The following ZNF710 variants were observed in gnomAD, a reference collection of about 807,000 sequenced individuals.
ZNF710 encodes the protein zinc finger protein 710.
In ZNF710, 13 loss-of-function variants were observed where a neutral mutation model predicts 50.6. That is an observed-to-expected ratio of 0.26 (90% CI 0.17 to 0.41). ZNF710 has a LOEUF of 0.41. ZNF710 is among the 10% of genes least tolerant of loss of function. The probability of loss-of-function intolerance (pLI) is 1.00; values close to 1 mark genes in which losing one functional copy is unlikely to be tolerated. For missense variants in ZNF710, 721 were observed against 936.6 expected (o/e 0.77, Z 3.01); for synonymous variants, 383 against 397.0 (o/e 0.96, Z 0.42).
At position 90,079,859 on chromosome 15, in the gene ZNF710, G is replaced by A. The variant is rs368063162; in HGVS notation, c.*30G>A. ...AGCTGGGCCACCCCTAACGGGGGCC[G>A]GGGGCGAGGGCATGGGGGTGAGACC... On this transcript the variant is annotated 3_prime_UTR_variant, in exon 5 of 5. Transcript: ENST00000268154. 8.1e-5 allele frequency: 127 copies of A among 1,559,898 alleles called. No individual in the cohort carries two copies. Among genetic ancestry groups the A allele is most frequent in the Middle Eastern group, 5.9e-4 (3 of 5,110 alleles).
intron 1 of ZNF710, among the ~76,000 whole-genome samples, chr15:90,031,831 A>G (rs529029599): frequency 6.6e-6 from 1 of 152,194 alleles, no homozygotes; most frequent in South Asian, 2.1e-4. Flanking sequence ...AGGTATTCCT[A>G]GGTGCCAGTG....
rs1900025540 is a variant in ZNF710, at chr15:90,062,091, C to A, written c.-28-5019C>A. 6.6e-6 allele frequency among the ~76,000 whole-genome samples: 1 copy of A among 151,920 alleles called. No individual in the cohort carries two copies. The highest frequency in any genetic ancestry group is 1.5e-5 in the Non-Finnish European group (1 of 67,942). On this transcript the variant is annotated intron_variant, in intron 1 of 4. Transcript: ENST00000268154. This position sits in a 1 kb window ranked among gnomAD's most constrained non-coding sequence, Gnocchi z 5.6. ...GGGCAGTCCTGGGCTTCCGGTGTCA[C>A]TGCACGCCCCTCCCCCTCCCGCCTT...
intron 1 of ZNF710, among the ~76,000 whole-genome samples, chr15:90,029,778 C>A (rs1898879457): frequency 6.6e-6 from 1 of 151,846 alleles, no homozygotes; most frequent in African/African-American, 2.4e-5. Flanking sequence ...CCATGCCCGG[C>A]TAATTTTTCT....
At chr15:90,070,399 A>G (rs1431260086) in intron 2 of ZNF710, among the ~76,000 whole-genome samples, 1 of 150,480 alleles carries the variant, frequency 6.6e-6, no homozygotes, top group East Asian at 2.0e-4. Flanking sequence ...TCTGGGCTGG[A>G]TGCAATGGCT....
chr15:90,031,516 C>T (rs1898949262), intron 1 of ZNF710, among the ~76,000 whole-genome samples: 1 of 152,242 alleles, frequency 6.6e-6, no homozygotes. Flanking sequence ...AGTGAGGACA[C>T]ACAGGAAGTT....
intron 1 of ZNF710, among the ~76,000 whole-genome samples, chr15:90,031,362 G>A (rs972290906): frequency 6.6e-6 from 1 of 152,172 alleles, no homozygotes; most frequent in African/African-American, 2.4e-5. Context: ...TAATGGAAAC[G>A]AAGTATCTCT....
rs1046290609 is a variant in ZNF710, at chr15:90,034,375, A to G, written c.-28-32735A>G. ...TTGTCTATGTTATTTGAAAAAGTGG[A>G]TTGCATTGTGGGTCCCCAGAAGTTG... On this transcript the variant is annotated intron_variant, in intron 1 of 4. Transcript: ENST00000268154. This position sits in a 1 kb window ranked among gnomAD's most constrained non-coding sequence, Gnocchi z 4.0. Among the ~76,000 whole-genome samples the G allele has an allele frequency of 6.6e-6, 1 of 150,626 alleles. No individual in the cohort carries two copies. The highest frequency in any genetic ancestry group is 2.5e-5 in the African/African-American group (1 of 40,816).
chr15:90,006,157 C>G (rs1898136298), intron 1 of ZNF710, among the ~76,000 whole-genome samples: 1 of 151,966 alleles, frequency 6.6e-6, no homozygotes, highest in Non-Finnish European at 1.5e-5. Context: ...TAAGGGAATG[C>G]TTATTTTAGG....
At position 90,073,036 on chromosome 15, in the gene ZNF710, T is replaced by C. The variant is rs761927422; in HGVS notation, c.1459-35T>C. On this transcript the variant is annotated intron_variant, in intron 2 of 4. Coordinates refer to ENST00000268154, the MANE Select transcript of ZNF710 (RefSeq NM_198526.4). ...GGGTCACTGCCAGAGGCTGTGCCCA[T>C]TGTGTGGCCCTGACCATCACCCCCC... is the stretch of plus-strand genomic sequence containing the variant. 8.8e-6 allele frequency: 14 copies of C among 1,594,846 alleles called. No individual in the cohort carries two copies. In the East Asian group the frequency reaches 2.7e-4, roughly 31 times the overall value.
At chr15:90,052,639 G>T (rs1899680560) in intron 1 of ZNF710, among the ~76,000 whole-genome samples, 1 of 152,140 alleles carries the variant, frequency 6.6e-6, no homozygotes, top group African/African-American at 2.4e-5. Flanking sequence ...AAATTAAAAC[G>T]TCTATCTTGG....
At chr15:90,071,479 GAC>G (rs1394997639) in intron 2 of ZNF710, among the ~76,000 whole-genome samples, 1 of 151,982 alleles carries the variant, frequency 6.6e-6, no homozygotes, top group East Asian at 1.9e-4. Flanking sequence ...TACAGCACAA[GAC>G]ACAGTCCCTG....
chr15:90,018,777 T>C (rs1898527167), intron 1 of ZNF710, among the ~76,000 whole-genome samples: 1 of 152,238 alleles, frequency 6.6e-6, no homozygotes, highest in Non-Finnish European at 1.5e-5. Context: ...TCAGTCTTCC[T>C]GTGCTCAGTA....
In ZNF710 at chr15:90,079,885, C is replaced by G; in HGVS notation, c.*56C>G. 1.3e-6 allele frequency: 2 copies of G among 1,498,760 alleles called. No individual in the cohort carries two copies. The highest frequency in any genetic ancestry group is 2.7e-5 in the South Asian group (2 of 74,320). 92.8% of individuals were successfully genotyped at this position (1,498,760 alleles called of 1,614,324 possible). On this transcript the variant is annotated 3_prime_UTR_variant, in exon 5 of 5. Transcript: ENST00000268154. The stretch of plus-strand genomic sequence containing the variant: ...GGGGCGAGGGCATGGGGGTGAGACC[C>G]ATGGGCTGCAGGCTGCACCTCCTGC...
At chr15:90,071,224 G>A (rs949299496) in intron 2 of ZNF710, among the ~76,000 whole-genome samples, 2 of 149,292 alleles carry the variant, frequency 1.3e-5, no homozygotes, top group African/African-American at 5.0e-5. Flanking sequence ...CCGTGCCGCT[G>A]TACTCTAGCC....
chr15:90,058,166 G>A, intron 1 of ZNF710, among the ~76,000 whole-genome samples: 1 of 152,174 alleles, frequency 6.6e-6, no homozygotes, highest in South Asian at 2.1e-4. Context: ...TCTCTCACCT[G>A]GGAGGGCGTC....
intron 1 of ZNF710, among the ~76,000 whole-genome samples, chr15:90,035,908 G>A (rs1899108912): frequency 1.3e-5 from 2 of 152,166 alleles, no homozygotes; most frequent in Non-Finnish European, 2.9e-5. Context: ...TCTACACGTG[G>A]GGCCCCAGGC....
chr15:90,066,873 G>A (rs1224102816), intron 1 of ZNF710, among the ~76,000 whole-genome samples: 1 of 152,176 alleles, frequency 6.6e-6, no homozygotes, highest in East Asian at 1.9e-4. Flanking sequence ...ACTGAGGCCA[G>A]CAAGGGGGCA....
intron 1 of ZNF710, among the ~76,000 whole-genome samples, chr15:90,004,291 G>A (rs1567216640): frequency 6.6e-6 from 1 of 152,178 alleles, no homozygotes; most frequent in African/African-American, 2.4e-5. Flanking sequence ...TTCTAGCAGA[G>A]TTGTGTTTGG....
chr15:90,043,264 C>T (rs191146059), intron 1 of ZNF710, among the ~76,000 whole-genome samples: 2 of 152,342 alleles, frequency 1.3e-5, no homozygotes, highest in East Asian at 1.9e-4. Context: ...GTTAAGGGCC[C>T]GAGGGCTCTC....
Sources: allele counts gnomAD v4.1 joint callset (sites outside exome capture counted in the v4.1 genomes callset), GRCh38; gene constraint gnomAD v4.1.1; non-coding constraint Gnocchi (gnomAD v3.1); transcripts MANE v1.5; gene names NCBI Gene and HGNC (gene_info 2026-07-23, HGNC 2026-07-21).